The following ANKFN1 variants were observed in gnomAD, a reference collection of about 807,000 sequenced individuals.
ANKFN1 encodes the protein ankyrin repeat and fibronectin type-III domain-containing protein 1.
ANKFN1 carries 74 observed loss-of-function variants against 108.7 expected under a neutral mutation model. That is an observed-to-expected ratio of 0.68 (90% CI 0.56 to 0.83). The LOEUF (loss-of-function observed/expected upper bound fraction) is 0.83. Among genes scored for constraint, ANKFN1 ranks in the 40% least tolerant of loss-of-function variants. ANKFN1 has a pLI of 0.00. For synonymous variants in ANKFN1, 547 were observed against 516.2 expected (o/e 1.06, Z -0.81); for missense variants, 1,505 against 1,382.3 (o/e 1.09, Z -1.41).
chr17:56,329,926 A>C (rs2045615947), intron 4 of ANKFN1, among the ~76,000 whole-genome samples: 1 of 152,202 alleles, frequency 6.6e-6, no homozygotes, highest in African/African-American at 2.4e-5. Context: ...TGTTTGAAGC[A>C]GAAAGTCAGC....
At chr17:56,231,943 C>G (rs531236883) in intron 3 of ANKFN1, among the ~76,000 whole-genome samples, 2 of 152,114 alleles carry the variant, frequency 1.3e-5, no homozygotes, top group Non-Finnish European at 2.9e-5. Flanking sequence ...AGCCCTTCCT[C>G]TATCTCATAT....
At chr17:56,498,321 T>A (rs1702953666) in intron 19 of ANKFN1, among the ~76,000 whole-genome samples, 1 of 152,164 alleles carries the variant, frequency 6.6e-6, no homozygotes, top group South Asian at 2.1e-4. Flanking sequence ...CTTTTCTAGT[T>A]CACATATAAG....
At chr17:56,483,746 A>G (rs2050779928) in intron 18 of ANKFN1, among the ~76,000 whole-genome samples, 1 of 152,180 alleles carries the variant, frequency 6.6e-6, no homozygotes, top group Non-Finnish European at 1.5e-5. Context: ...TGACCATTTA[A>G]TGAGTTCCTC....
At chr17:56,339,549 C>T (rs1466522410) in intron 4 of ANKFN1, among the ~76,000 whole-genome samples, 5 of 152,174 alleles carry the variant, frequency 3.3e-5, no homozygotes, top group African/African-American at 4.8e-5. Context: ...TAAGTGACAA[C>T]CTGCAATATT....
chr17:56,495,847 C>T (rs1009372427), intron 19 of ANKFN1, among the ~76,000 whole-genome samples: 1 of 152,046 alleles, frequency 6.6e-6, no homozygotes, highest in African/African-American at 2.4e-5. Flanking sequence ...AAACCAATCA[C>T]CTTTACATTT....
intron 11 of ANKFN1, 52 bp from the exon 12 acceptor site, chr17:56,456,809 G>T (rs2049720397): frequency 2.1e-6 from 3 of 1,435,524 alleles, no homozygotes; most frequent in South Asian, 1.1e-5. Context: ...GGAATTGGGG[G>T]TGTTGATCTG....
chr17:56,354,376 G>A (rs938617187), intron 6 of ANKFN1, among the ~76,000 whole-genome samples: 30 of 152,152 alleles, frequency 2.0e-4, no homozygotes, highest in African/African-American at 6.5e-4. Context: ...GAGCATTTGC[G>A]TGTTTCTGTT....
At chr17:56,255,180 G>T (rs1020033162) in intron 3 of ANKFN1, among the ~76,000 whole-genome samples, 1 of 152,186 alleles carries the variant, frequency 6.6e-6, no homozygotes, top group African/African-American at 2.4e-5. Context: ...CTGTGTTGAT[G>T]GTGTTTTGGA....
intron 4 of ANKFN1, among the ~76,000 whole-genome samples, chr17:56,116,390 G>T (rs1241156563): frequency 1.3e-5 from 2 of 152,226 alleles, no homozygotes; most frequent in East Asian, 3.9e-4. Context: ...TTTGCATATG[G>T]TTTGTTTGGA....
intron 1 of ANKFN1, among the ~76,000 whole-genome samples, chr17:56,155,372 G>T (rs919712591): frequency 2.0e-5 from 3 of 152,216 alleles, no homozygotes; most frequent in African/African-American, 7.2e-5. Flanking sequence ...ACTGCTGAGA[G>T]GTCTGAATCT....
chr17:56,508,500 C>T (rs535057906), intron 20 of ANKFN1, among the ~76,000 whole-genome samples: 11 of 152,294 alleles, frequency 7.2e-5, no homozygotes, highest in African/African-American at 2.2e-4. Context: ...AATATCAAAA[C>T]GGGACTACTT....
rs776395917 is a variant in ANKFN1 at position 56,466,401 on chromosome 17, A to T, written c.1603A>T (p.Ile535Phe). 6.2e-7 allele frequency: 1 copy of T among 1,614,196 alleles called. No individual in the cohort carries two copies. Among genetic ancestry groups the T allele is most frequent in the South Asian group, 1.1e-5 (1 of 91,080 alleles). Residue 535 changes from isoleucine to phenylalanine, a missense_variant, in exon 15 of 21, where the codon ATT becomes TTT. Coordinates refer to ENST00000682825, the MANE Select transcript of ANKFN1 (RefSeq NM_001370326.1). ...HNLGRVYYEPIKDRHGNILIV... is the reference protein window; with the variant it reads ...HNLGRVYYEPFKDRHGNILIV... ...CTTGGGAAGAGTTTACTATGAGCCC[A>T]TTAAAGATCGACATGGAAACATACT...
At chr17:56,083,946 A>G (rs983129460) in intron 4 of ANKFN1, among the ~76,000 whole-genome samples, 5 of 151,252 alleles carry the variant, frequency 3.3e-5, no homozygotes, top group African/African-American at 1.2e-4. Context: ...ATTCAAAGTA[A>G]AATGTCCTCA....
At chr17:56,289,144 G>A (rs148228255) in intron 3 of ANKFN1, among the ~76,000 whole-genome samples, 54 of 152,278 alleles carry the variant, frequency 3.5e-4, no homozygotes, top group African/African-American at 1.2e-3. Flanking sequence ...GTTCTTGAGT[G>A]TTCTACCCAC....
chr17:56,164,777 C>A (rs1242269423), intron 1 of ANKFN1, among the ~76,000 whole-genome samples: 3 of 152,114 alleles, frequency 2.0e-5, no homozygotes, highest in Non-Finnish European at 4.4e-5. Flanking sequence ...ATTTGTTTCT[C>A]AATAGAAATC....
At chr17:56,200,521 G>A (rs549996425) in intron 1 of ANKFN1, among the ~76,000 whole-genome samples, 1 of 152,348 alleles carries the variant, frequency 6.6e-6, no homozygotes, top group East Asian at 1.9e-4. Context: ...AACATCTAAT[G>A]CAGATAAAAG....
chr17:56,315,760 T>C (rs1412704547), intron 3 of ANKFN1, among the ~76,000 whole-genome samples: 1 of 152,146 alleles, frequency 6.6e-6, no homozygotes, highest in Non-Finnish European at 1.5e-5. Context: ...TCTGATTTCA[T>C]AGGAGTTCAG....
At chr17:56,096,917 G>A (rs1170280235) in intron 4 of ANKFN1, among the ~76,000 whole-genome samples, 2 of 152,172 alleles carry the variant, frequency 1.3e-5, no homozygotes, top group Non-Finnish European at 2.9e-5. Context: ...ATACACCATG[G>A]AATACTACGC....
At position 56,512,512 on chromosome 17, in the gene ANKFN1, T is replaced by A. The variant is rs1253585525; in HGVS notation, c.*1243T>A. ...GAAATCTTGCTTTGGTCTCATTACCTCCTATCTGAATTTCTCACAGGAATC... is the reference window on the plus strand; with the variant it reads ...GAAATCTTGCTTTGGTCTCATTACCACCTATCTGAATTTCTCACAGGAATC... On this transcript the variant is annotated 3_prime_UTR_variant, in exon 21 of 21. Coordinates refer to ENST00000682825, the MANE Select transcript of ANKFN1 (RefSeq NM_001370326.1). Among the ~76,000 whole-genome samples the A allele has an allele frequency of 2.0e-5, 3 of 152,200 alleles. No individual in the cohort carries two copies. The highest frequency in any genetic ancestry group is 2.0e-4 in the Admixed American group (3 of 15,274).
Sources: allele counts gnomAD v4.1 joint callset (sites outside exome capture counted in the v4.1 genomes callset), GRCh38; gene constraint gnomAD v4.1.1; transcripts MANE v1.5; gene names NCBI Gene and HGNC (gene_info 2026-07-23, HGNC 2026-07-21).